Variants in DLK1 observed in about 807,000 individuals in gnomAD.
DLK1 encodes the protein delta like non-canonical Notch ligand 1.
In DLK1, 9 loss-of-function variants were observed where a neutral mutation model predicts 35.2. The ratio of observed to expected loss-of-function variants is 0.26; its 90% CI spans 0.15 to 0.45. The LOEUF (loss-of-function observed/expected upper bound fraction) is 0.45, where lower values mean the gene tolerates loss of function less well. DLK1 is among the 20% of genes least tolerant of loss of function. The pLI, the probability that DLK1 is intolerant of heterozygous loss-of-function variation, is 1.00. For missense variants in DLK1, 522 were observed against 528.5 expected (o/e 0.99, Z 0.12); for synonymous variants, 231 against 228.4 (o/e 1.01, Z -0.10).
chr14:100,729,684 G>C (rs1407463395), intron 3 of DLK1, among the ~76,000 whole-genome samples: 1 of 152,196 alleles, frequency 6.6e-6, no homozygotes, highest in Non-Finnish European at 1.5e-5. Flanking sequence ...ATTAATTTAT[G>C]CAATCTTTGC....
intron 2 of DLK1, 145 bp downstream of exon 2, chr14:100,728,604 AGCTGGGGAGATGGGGGGG>A (rs1341173590): frequency 1.1e-3 from 22 of 19,634 alleles, no homozygotes; most frequent in Non-Finnish European, 1.8e-3. Context: ...TGGTGGGGCG[AGCTGGGGAGATGGGGGGG>A]GCGGGGGGGG....
chr14:100,729,117 C>T (rs2036477042), intron 3 of DLK1, 51 bp downstream of exon 3: 2 of 1,608,696 alleles, frequency 1.2e-6, no homozygotes, highest in African/African-American at 1.3e-5. Flanking sequence ...CCTGCCTGCC[C>T]TAGCCCCTAC....
At chr14:100,733,494 G>A (rs572171727) in intron 4 of DLK1, among the ~76,000 whole-genome samples, 1 of 152,272 alleles carries the variant, frequency 6.6e-6, no homozygotes, top group Admixed American at 6.5e-5. Context: ...TTGTGCCACC[G>A]TAGACAGACC....
At chr14:100,729,739 C>T (rs1322756069) in intron 3 of DLK1, among the ~76,000 whole-genome samples, 1 of 152,240 alleles carries the variant, frequency 6.6e-6, no homozygotes, top group Non-Finnish European at 1.5e-5. Context: ...ACTGCATTTT[C>T]AGGCTGCGAA....
rs929827740 is a variant in DLK1, at chr14:100,727,122, C to T, written c.54C>T (p.Gly18=). The T allele has an allele frequency of 4.4e-6, 7 of 1,594,104 alleles. No homozygotes were observed. Among genetic ancestry groups the T allele is most frequent in the South Asian group, 3.4e-5 (3 of 88,744 alleles). Residue 18 remains glycine (G), a synonymous_variant, in exon 1 of 5, where the codon GGC becomes GGT. Transcript: ENST00000341267. ...TCCTCTTGCTCCTGCTGGCTTTCGG[C>T]CACAGCACCTATGGTGAGTTCCCCG... The part of the protein sequence containing the change: ...LRVLLLLLAF[G]HSTYGAECFP...
intron 3 of DLK1, among the ~76,000 whole-genome samples, chr14:100,730,935 C>T (rs72635174): frequency 0.096 from 14,626 of 152,092 alleles, 1,081 homozygotes; most frequent in East Asian, 0.26. Flanking sequence ...AAAATACGCA[C>T]ATGTGTGGCC....
At chr14:100,727,476 G>A (rs1365570528) in intron 1 of DLK1, among the ~76,000 whole-genome samples, 1 of 152,216 alleles carries the variant, frequency 6.6e-6, no homozygotes, top group Non-Finnish European at 1.5e-5. Context: ...GCAACTTTGG[G>A]GTGTCCCTGT....
chr14:100,728,292 T>C, intron 1 of DLK1, 104 bp from the exon 2 acceptor site: 1 of 1,231,702 alleles, frequency 8.1e-7, no homozygotes, highest in East Asian at 2.4e-5. Context: ...CCAAGAGGGC[T>C]GTTGGTGCCC....
chr14:100,728,889 C>G, intron 2 of DLK1, 47 bp from the exon 3 acceptor site: 1 of 1,603,774 alleles, frequency 6.2e-7, no homozygotes, highest in African/African-American at 1.3e-5. Context: ...GCCTCTCTAC[C>G]CCTGCCCTCT....
chr14:100,729,619 G>A (rs141952074), intron 3 of DLK1, among the ~76,000 whole-genome samples: 1,589 of 152,322 alleles, frequency 0.01, 25 homozygotes, highest in Non-Finnish European at 0.013. Context: ...GGAGGCTGCA[G>A]TTGGGAAAAG....
Position 100,734,869 on chromosome 14 carries a change from C to A in DLK1, c.1125C>A (p.Ser375Arg). ...AGAAGATCGACATGACCACCTTCAG[C>A]AAGGAGGCCGGCGACGAGGAGATCT... The part of the protein sequence containing the change: ...FPEKIDMTTF[S>R]KEAGDEEI The change falls in exon 5 of 5, where the codon AGC (serine) becomes AGA (arginine). Residue 375 changes from serine to arginine, a missense_variant. Ser to Arg is a moderately radical substitution (Grantham distance 110). Transcript: ENST00000341267. The surrounding 1 kb of genome is among the most constrained non-coding windows in gnomAD (Gnocchi z 7.4). 1 of 1,600,144 alleles carries A rather than the reference C, an allele frequency of 6.2e-7. No homozygotes were observed. Among genetic ancestry groups the A allele is most frequent in the South Asian group, 1.1e-5 (1 of 90,212 alleles).
At chr14:100,728,288 G>A (rs2036460639) in intron 1 of DLK1, 108 bp from the exon 2 acceptor site, 2 of 1,215,636 alleles carry the variant, frequency 1.6e-6, no homozygotes, top group Non-Finnish European at 2.4e-6. Context: ...GGACCCAAGA[G>A]GGCTGTTGGT....
intron 1 of DLK1, among the ~76,000 whole-genome samples, chr14:100,727,626 G>C (rs1393478207): frequency 6.6e-6 from 1 of 152,176 alleles, no homozygotes; most frequent in East Asian, 1.9e-4. Context: ...ACTTCTGTCT[G>C]CAGCGGCCAT....
chr14:100,728,765 TTTTCTC>T, intron 2 of DLK1, 165 bp from the exon 3 acceptor site: 1 of 958,930 alleles, frequency 1.0e-6, no homozygotes, highest in Non-Finnish European at 1.6e-6. Flanking sequence ...GCTTGGCATG[TTTTCTC>T]TTTAAGTTTT....
intron 3 of DLK1, among the ~76,000 whole-genome samples, chr14:100,729,636 A>G (rs1481750567): frequency 6.6e-6 from 1 of 152,144 alleles, no homozygotes; most frequent in Non-Finnish European, 1.5e-5. Flanking sequence ...AAAGCTGAGA[A>G]AGGGTTAAAG....
intron 3 of DLK1, among the ~76,000 whole-genome samples, chr14:100,731,377 C>A (rs980656873): frequency 6.6e-6 from 1 of 152,154 alleles, no homozygotes; most frequent in African/African-American, 2.4e-5. Flanking sequence ...GATAGGAGAG[C>A]GCTCAATAGT....
Position 100,734,374 on chromosome 14 carries a change from C to G in DLK1, c.630C>G (p.Thr210=). ...ACAAGACCTGCAGCCGCCCGGTGAC[C>G]AACTGCGCCAGCAGCCCGTGCCAGA... ...FIDKTCSRPV[T]NCASSPCQNG... The change falls in exon 5 of 5, where the codon ACC becomes ACG. Residue 210 remains threonine (T), a synonymous_variant. Coordinates refer to ENST00000341267, the MANE Select transcript of DLK1 (RefSeq NM_003836.7). This position sits in a 1 kb window ranked among gnomAD's most constrained non-coding sequence, Gnocchi z 7.4. 1 of 1,612,052 alleles carries G rather than the reference C, an allele frequency of 6.2e-7. No homozygotes were observed. Among genetic ancestry groups the G allele is most frequent in the Non-Finnish European group, 8.5e-7 (1 of 1,179,248 alleles).
At chr14:100,731,557 C>G (rs1257561306) in intron 3 of DLK1, among the ~76,000 whole-genome samples, 1 of 152,120 alleles carries the variant, frequency 6.6e-6, no homozygotes, top group Non-Finnish European at 1.5e-5. Context: ...CCCACTGCCC[C>G]TCTTTGATGG....
intron 3 of DLK1, 33 bp downstream of exon 3, chr14:100,729,099 C>T (rs748713107): frequency 1.4e-5 from 22 of 1,611,720 alleles, no homozygotes; most frequent in Middle Eastern, 1.6e-4. Flanking sequence ...CTCAGCTCTG[C>T]GTCCTTACCT....
Sources: allele counts gnomAD v4.1 joint callset (sites outside exome capture counted in the v4.1 genomes callset), GRCh38; gene constraint gnomAD v4.1.1; non-coding constraint Gnocchi (gnomAD v3.1); transcripts MANE v1.5; gene names NCBI Gene and HGNC (gene_info 2026-07-23, HGNC 2026-07-21).